Variants in STK3 observed in about 807,000 individuals in gnomAD.
STK3 encodes serine/threonine-protein kinase 3.
STK3 carries 41 observed loss-of-function variants against 58.0 expected under a neutral mutation model. The ratio of observed to expected loss-of-function variants is 0.71; its 90% CI spans 0.55 to 0.92. The LOEUF (loss-of-function observed/expected upper bound fraction) is 0.92. Ranked by LOEUF, STK3 falls within the 40% of genes least tolerant of loss-of-function variation. STK3 has a pLI of 0.00. For synonymous variants in STK3, 170 were observed against 191.0 expected (o/e 0.89, Z 0.91); for missense variants, 479 against 602.7 (o/e 0.79, Z 2.15).
chr8:98,642,791 A>G (rs1820123431), intron 6 of STK3, among the ~76,000 whole-genome samples: 2 of 152,226 alleles, frequency 1.3e-5, no homozygotes, highest in African/African-American at 4.8e-5. Context: ...CTGCTAACCC[A>G]GACAGGCAGA....
chr8:98,568,400 C>T (rs147236798), intron 8 of STK3, among the ~76,000 whole-genome samples: 177 of 152,198 alleles, frequency 1.2e-3, no homozygotes, highest in African/African-American at 4.0e-3. Context: ...ACTCAGCAGA[C>T]CAAAAATAAG....
At chr8:98,461,670 G>C (rs754413458) in intron 10 of STK3, among the ~76,000 whole-genome samples, 1 of 152,084 alleles carries the variant, frequency 6.6e-6, no homozygotes, top group Non-Finnish European at 1.5e-5. Flanking sequence ...TTCTCGTAGG[G>C]ATGCTCTGGT....
At chr8:98,365,035 G>T in the STK3 span, among the ~76,000 whole-genome samples, 1 of 152,056 alleles carries the variant, frequency 6.6e-6, no homozygotes, top group African/African-American at 2.4e-5. Context: ...GCTGTTGCTG[G>T]TCCCCAGAGC....
At chr8:98,656,976 T>A (rs2130762182) in intron 6 of STK3, among the ~76,000 whole-genome samples, 1 of 152,234 alleles carries the variant, frequency 6.6e-6, no homozygotes, top group South Asian at 2.1e-4. Context: ...AGAATTACTC[T>A]ACGTAATACA....
chr8:98,608,119 C>A (rs1816911290), intron 6 of STK3, among the ~76,000 whole-genome samples: 1 of 152,002 alleles, frequency 6.6e-6, no homozygotes, highest in Non-Finnish European at 1.5e-5. Flanking sequence ...GGAAGAATAT[C>A]ATAATTACCA....
chr8:98,895,484 C>G (rs541478627), intron 1 of STK3, among the ~76,000 whole-genome samples: 1 of 152,204 alleles, frequency 6.6e-6, no homozygotes, highest in African/African-American at 2.4e-5. Flanking sequence ...TTGAGCTTGG[C>G]CAATCAGGAC....
intron 3 of STK3, chr8:98,426,889 AGCG>A (rs559285876): frequency 5.2e-5 from 8 of 152,920 alleles, no homozygotes; most frequent in South Asian, 1.9e-4. Flanking sequence ...GCAGAGAAGC[AGCG>A]GCGGCGGCGG....
chr8:98,583,833 G>A (rs1173601676), intron 7 of STK3, among the ~76,000 whole-genome samples: 1 of 149,952 alleles, frequency 6.7e-6, no homozygotes, highest in Non-Finnish European at 1.5e-5. Context: ...CTATGGGTAA[G>A]AGAGAGAGTG....
chr8:98,794,420 G>GA (rs1356268652), intron 1 of STK3, among the ~76,000 whole-genome samples: 1 of 152,146 alleles, frequency 6.6e-6, no homozygotes. Context: ...AAAACCTAGA[G>GA]AAAATGGATA....
chr8:98,715,788 A>T (rs1342229233), intron 4 of STK3, among the ~76,000 whole-genome samples: 1 of 152,220 alleles, frequency 6.6e-6, no homozygotes, highest in Non-Finnish European at 1.5e-5. Flanking sequence ...CTGGGTATAT[A>T]CCCAAAGGAT....
At chr8:98,595,532 T>C (rs1277577479) in intron 7 of STK3, 1 of 152,152 alleles carries the variant, frequency 6.6e-6, no homozygotes, top group Admixed American at 6.5e-5. Context: ...TATTAAATTA[T>C]TTCTATTTGC....
At chr8:98,819,289 A>AT (rs1008066298) in intron 1 of STK3, among the ~76,000 whole-genome samples, 21 of 149,676 alleles carry the variant, frequency 1.4e-4, no homozygotes, top group African/African-American at 4.4e-4. Flanking sequence ...GTATCAATGA[A>AT]TTTTTTTTTT....
chr8:98,664,516 A>G (rs1243728040), intron 6 of STK3, among the ~76,000 whole-genome samples: 1 of 152,192 alleles, frequency 6.6e-6, no homozygotes, highest in Non-Finnish European at 1.5e-5. Context: ...CAAATAATAA[A>G]TATTCTACGT....
intron 6 of STK3, among the ~76,000 whole-genome samples, chr8:98,643,628 T>C (rs142155469): frequency 6.6e-6 from 1 of 152,342 alleles, no homozygotes; most frequent in Non-Finnish European, 1.5e-5. Flanking sequence ...ATAAACACAA[T>C]GAAGGCAGGA....
At position 98,455,965 on chromosome 8, in the gene STK3, C is replaced by A. The variant is rs762709100; in HGVS notation, c.1353G>T (p.Arg451=). The A allele has an allele frequency of 3.7e-6, 6 of 1,612,304 alleles. No homozygotes were observed. The highest frequency in any genetic ancestry group is 5.1e-6 in the Non-Finnish European group (6 of 1,179,186). The change falls in exon 11 of 11, where the codon CGG becomes CGT. Residue 451 remains arginine (R), a synonymous_variant. Transcript: ENST00000419617. ...CCATCATGGGGTCCAGTGCTTTTAACCGCATCTGTAGTTCTTCTAAACTTA... is the reference window on the plus strand; with the variant it reads ...CCATCATGGGGTCCAGTGCTTTTAAACGCATCTGTAGTTCTTCTAAACTTA... ...KNLSLEELQM[R]LKALDPMMER...
At chr8:98,562,913 GCAA>G (rs904952224) in intron 8 of STK3, among the ~76,000 whole-genome samples, 6 of 148,356 alleles carry the variant, frequency 4.0e-5, no homozygotes, top group Non-Finnish European at 8.9e-5. Context: ...AGTCTCAAAA[GCAA>G]CAACAACAAC....
rs772162327 is a variant in STK3, at chr8:98,428,132, G to A, written n.483+5995C>T. On this transcript the variant is annotated intron_variant and non_coding_transcript_variant, in intron 3 of 3. Coordinates refer to the STK3 transcript ENST00000517832. The surrounding 1 kb of genome is among the most constrained non-coding windows in gnomAD (Gnocchi z 6.7). ...TGGGCCGCTTGCTGCTCTGCCACTCGCGCGAGGCCATTCTGGAGCTCTGCG... is the reference window on the plus strand; with the variant it reads ...TGGGCCGCTTGCTGCTCTGCCACTCACGCGAGGCCATTCTGGAGCTCTGCG... 15 of 1,613,850 alleles carry A rather than the reference G, an allele frequency of 9.3e-6. No homozygotes were observed. In the South Asian group the frequency reaches 1.6e-4, roughly 18 times the overall value.
At chr8:98,913,662 G>T (rs191873557) in intron 1 of STK3, among the ~76,000 whole-genome samples, 165 of 151,994 alleles carry the variant, frequency 1.1e-3, no homozygotes, top group African/African-American at 3.9e-3. Flanking sequence ...TGCACCACAT[G>T]TGCCCACTCA....
chr8:98,938,956 T>C (rs1254443310), intron 1 of STK3, among the ~76,000 whole-genome samples: 1 of 152,164 alleles, frequency 6.6e-6, no homozygotes, highest in East Asian at 1.9e-4. Flanking sequence ...TAGATAATAC[T>C]AATTAACAAC....
Sources: gnomAD v4.1 joint callset for allele counts (sites outside exome capture counted in the v4.1 genomes callset) on GRCh38, gnomAD v4.1.1 for gene constraint, Gnocchi (gnomAD v3.1) non-coding constraint, MANE v1.5 for transcripts, NCBI Gene and HGNC (gene_info 2026-07-23, HGNC 2026-07-21) for gene names.